PCCA: variants seen among roughly 807,000 people sequenced by gnomAD.
PCCA encodes propionyl-CoA carboxylase alpha chain, mitochondrial.
PCCA carries 74 observed loss-of-function variants against 101.3 expected under a neutral mutation model. That is an observed-to-expected ratio of 0.73 (90% CI 0.61 to 0.89). The LOEUF (loss-of-function observed/expected upper bound fraction) is 0.89, where lower values mean the gene tolerates loss of function less well. Among genes scored for constraint, PCCA ranks in the 40% least tolerant of loss-of-function variants. The pLI is 0.00. For synonymous variants in PCCA, 294 were observed against 313.6 expected (o/e 0.94, Z 0.66); for missense variants, 891 against 907.0 (o/e 0.98, Z 0.23).
intron 19 of PCCA, among the ~76,000 whole-genome samples, chr13:100,369,004 CTCTTTTTGT>C (rs2075395237): frequency 6.6e-6 from 1 of 152,182 alleles, no homozygotes; most frequent in African/African-American, 2.4e-5. Context: ...TGTGGTGACA[CTCTTTTTGT>C]TTTGAAGAAC....
At chr13:100,234,606 TC>T (rs1368597995) in intron 7 of PCCA, among the ~76,000 whole-genome samples, 1 of 151,734 alleles carries the variant, frequency 6.6e-6, no homozygotes, top group East Asian at 1.9e-4. Context: ...CCTGCCAACC[TC>T]CTTATTCAGG....
chr13:100,463,864 C>T (rs893747667), intron 21 of PCCA, among the ~76,000 whole-genome samples: 1 of 152,152 alleles, frequency 6.6e-6, no homozygotes. Context: ...CTATTAGAAG[C>T]CAGTTCATTG....
At chr13:100,503,913 C>T (rs2085874664) in intron 21 of PCCA, among the ~76,000 whole-genome samples, 1 of 152,114 alleles carries the variant, frequency 6.6e-6, no homozygotes, top group Non-Finnish European at 1.5e-5. Flanking sequence ...CAATAATAAG[C>T]AGTCTTCAGT....
intron 6 of PCCA, among the ~76,000 whole-genome samples, chr13:100,177,162 T>TC (rs2152424083): frequency 6.6e-6 from 1 of 152,326 alleles, no homozygotes; most frequent in African/African-American, 2.4e-5. Flanking sequence ...CAGTAAAAAT[T>TC]CAGTAAGACA....
At chr13:100,491,865 G>T in intron 21 of PCCA, 1 of 747,682 alleles carries the variant, frequency 1.3e-6, no homozygotes, top group Middle Eastern at 6.2e-4. Context: ...GTGAATATGA[G>T]TTAAATGAGA....
chr13:100,452,106 T>TCTCTCTCTCCTCTTCTTCCTCTCC (rs1409308483), intron 21 of PCCA, among the ~76,000 whole-genome samples: 77 of 105,926 alleles, frequency 7.3e-4, no homozygotes, highest in Non-Finnish European at 1.2e-3. Flanking sequence ...CCTCTTCCTT[T>TCTCTCTCTCCTCTTCTTCCTCTCC]CTCTCTCTCC....
At chr13:100,267,035 G>A (rs925562497) in intron 10 of PCCA, among the ~76,000 whole-genome samples, 33 of 152,060 alleles carry the variant, frequency 2.2e-4, no homozygotes, top group Non-Finnish European at 4.4e-5. Context: ...AATCATTTTT[G>A]TTGAATGCCT....
At chr13:100,347,089 A>G (rs1210917006) in intron 18 of PCCA, among the ~76,000 whole-genome samples, 1 of 152,068 alleles carries the variant, frequency 6.6e-6, no homozygotes, top group Non-Finnish European at 1.5e-5. Flanking sequence ...GTTAGCCAGG[A>G]TGGTCACGAT....
intron 4 of PCCA, among the ~76,000 whole-genome samples, chr13:100,139,800 G>A (rs1315603080): frequency 6.6e-6 from 1 of 151,896 alleles, no homozygotes; most frequent in Non-Finnish European, 1.5e-5. Flanking sequence ...TGAGTATGAT[G>A]TTATGAGACA....
chr13:100,121,913 C>A (rs2049441035), intron 4 of PCCA, among the ~76,000 whole-genome samples: 1 of 152,186 alleles, frequency 6.6e-6, no homozygotes, highest in Non-Finnish European at 1.5e-5. Flanking sequence ...TGAGAGGAGG[C>A]ATCCTTGTCT....
chr13:100,428,322 C>T (rs1490740611), intron 20 of PCCA, among the ~76,000 whole-genome samples: 3 of 118,448 alleles, frequency 2.5e-5, no homozygotes, highest in Non-Finnish European at 5.2e-5. Flanking sequence ...GCCTCCTCCC[C>T]GACCCCCCCT....
chr13:100,421,606 C>T (rs1379119293), intron 19 of PCCA, among the ~76,000 whole-genome samples: 2 of 151,808 alleles, frequency 1.3e-5, no homozygotes, highest in Non-Finnish European at 2.9e-5. Context: ...GACTATATTG[C>T]TGTGTGGTCT....
chr13:100,327,713 G>C (rs1056218109), intron 16 of PCCA, among the ~76,000 whole-genome samples: 1 of 152,140 alleles, frequency 6.6e-6, no homozygotes, highest in African/African-American at 2.4e-5. Context: ...TCCATATCCT[G>C]ACTAGCACTT....
intron 6 of PCCA, among the ~76,000 whole-genome samples, chr13:100,194,667 C>T (rs1428218525): frequency 6.6e-6 from 1 of 152,200 alleles, no homozygotes; most frequent in Non-Finnish European, 1.5e-5. Context: ...GATCTGCCCA[C>T]CTTGGCCTCC....
intron 19 of PCCA, among the ~76,000 whole-genome samples, chr13:100,409,289 GCTT>G (rs2077879397): frequency 6.6e-6 from 1 of 152,178 alleles, no homozygotes; most frequent in South Asian, 2.1e-4. Context: ...TTCACTCACT[GCTT>G]CTTGAGCCCC....
intron 6 of PCCA, among the ~76,000 whole-genome samples, chr13:100,187,098 C>T (rs1200378988): frequency 2.6e-5 from 4 of 152,132 alleles, no homozygotes; most frequent in Non-Finnish European, 5.9e-5. Flanking sequence ...ACTCCTGCAA[C>T]CCTAAATGTA....
chr13:100,453,501 A>G (rs1054579863), intron 21 of PCCA, among the ~76,000 whole-genome samples: 4 of 151,654 alleles, frequency 2.6e-5, no homozygotes, highest in African/African-American at 7.3e-5. Flanking sequence ...GAAGAAGAAG[A>G]AACAAATGGA....
At chr13:100,456,718 CTT>C (rs1170781898) in intron 21 of PCCA, among the ~76,000 whole-genome samples, 2 of 152,146 alleles carry the variant, frequency 1.3e-5, no homozygotes, top group African/African-American at 4.8e-5. Context: ...AGATCAAAGA[CTT>C]TAAGACTTTT....
At chr13:100,300,638 G>A (rs955255371) in intron 12 of PCCA, among the ~76,000 whole-genome samples, 10 of 152,172 alleles carry the variant, frequency 6.6e-5, no homozygotes, top group African/African-American at 2.2e-4. Context: ...TTAGATGAAC[G>A]GTAGACTTTT....
Sources: allele counts gnomAD v4.1 joint callset (sites outside exome capture counted in the v4.1 genomes callset), GRCh38; gene constraint gnomAD v4.1.1; transcripts MANE v1.5; gene names NCBI Gene and HGNC (gene_info 2026-07-23, HGNC 2026-07-21).